INPP4A: variants seen among roughly 807,000 people sequenced by gnomAD.
INPP4A encodes the protein inositol polyphosphate-4-phosphatase, type I, 107kD.
INPP4A carries 33 observed loss-of-function variants against 119.8 expected under a neutral mutation model. That is an observed-to-expected ratio of 0.28 (90% confidence interval 0.21 to 0.37). The LOEUF (loss-of-function observed/expected upper bound fraction) is 0.37. Among genes scored for constraint, INPP4A ranks in the 10% least tolerant of loss-of-function variants. INPP4A has a pLI of 1.00. For missense variants in INPP4A, 956 were observed against 1,289.9 expected, an observed-to-expected ratio of 0.74 and a Z score of 3.97; for synonymous variants, 496 against 500.7, an observed-to-expected ratio of 0.99 and a Z score of 0.12.
At chr2:98,492,361 G>A (rs181172265) in intron 1 of INPP4A, among the ~76,000 whole-genome samples, 243 of 152,270 alleles carry the variant, frequency 1.6e-3, no homozygotes, top group African/African-American at 5.4e-3. Flanking sequence ...CTCCTAGCAT[G>A]GTTTGCTTTT....
intron 1 of INPP4A, among the ~76,000 whole-genome samples, chr2:98,484,609 T>G (rs1040519999): frequency 6.6e-6 from 1 of 152,102 alleles, no homozygotes; most frequent in Non-Finnish European, 1.5e-5. Flanking sequence ...TTATTAAAAT[T>G]TTGCATACTT....
Position 98,492,692 on chromosome 2 carries a change from G to A in INPP4A, c.-165-26272G>A, listed in dbSNP as rs978157511. Among the ~76,000 whole-genome samples the A allele has an allele frequency of 2.6e-5, 4 of 152,348 alleles. No individual in the cohort carries two copies. The South Asian group carries it at 8.3e-4, about 32-fold the overall frequency. On this transcript the variant is annotated intron_variant, in intron 1 of 24. Transcript: ENST00000409851. ...GAGGTGAAAGCAGGAGCTGGCTCTA[G>A]AAAGGGTGCCCATGGGGCCTGTACA...
intron 1 of INPP4A, among the ~76,000 whole-genome samples, chr2:98,484,507 C>T (rs749414294): frequency 3.9e-5 from 6 of 152,088 alleles, no homozygotes; most frequent in East Asian, 1.9e-4. Flanking sequence ...GTGAGGGATT[C>T]GAGGCAGCCT....
intron 10 of INPP4A, 134 bp downstream of exon 10, chr2:98,539,809 T>G (rs1691052219): frequency 1.2e-6 from 1 of 865,208 alleles, no homozygotes; most frequent in Admixed American, 3.7e-5. Context: ...TGCAGCTCTG[T>G]GGCCTTGGCT....
chr2:98,547,899 G>A (rs565760758), intron 13 of INPP4A, among the ~76,000 whole-genome samples: 4 of 152,238 alleles, frequency 2.6e-5, no homozygotes, highest in East Asian at 1.9e-4. Context: ...ATGGAACAGC[G>A]TGAGGGAAGG....
chr2:98,510,539 G>T (rs1254974598), intron 1 of INPP4A, among the ~76,000 whole-genome samples: 1 of 152,190 alleles, frequency 6.6e-6, no homozygotes, highest in Admixed American at 6.5e-5. Context: ...GGTCTGCTGA[G>T]GGCCTTCTTG....
At position 98,546,132 on chromosome 2, in the gene INPP4A, A is replaced by T; in HGVS notation, c.1054+59A>T. The T allele has an allele frequency of 8.1e-7, 1 of 1,238,250 alleles. No homozygotes were observed. The highest frequency in any genetic ancestry group is 1.2e-6 in the Non-Finnish European group (1 of 864,060). The allele number at this position is 1,238,250 out of a possible 1,614,324, so 76.7% of individuals were successfully genotyped here. On this transcript the variant is annotated intron_variant, in intron 12 of 24. Transcript: ENST00000409851. This position sits in a 1 kb window ranked among gnomAD's most constrained non-coding sequence, Gnocchi z 4.2. ...CATTTCGCTGCTTTTCTCTGTGGGTACTTGGTCCCTGAGTACCCCACATCT... is the reference window on the plus strand; with the variant it reads ...CATTTCGCTGCTTTTCTCTGTGGGTTCTTGGTCCCTGAGTACCCCACATCT...
intron 7 of INPP4A, 119 bp from the exon 8 acceptor site, chr2:98,537,744 G>A: frequency 5.6e-6 from 4 of 711,264 alleles, no homozygotes; most frequent in Non-Finnish European, 1.0e-5. Context: ...TGACTGGTCA[G>A]TCAGCTCGGC....
intron 16 of INPP4A, among the ~76,000 whole-genome samples, chr2:98,557,390 C>T (rs1382848549): frequency 6.6e-6 from 1 of 152,306 alleles, no homozygotes; most frequent in South Asian, 2.1e-4. Context: ...ATCTTTAGCA[C>T]AGCCAGGAAG....
chr2:98,519,909 C>T (rs1323473006), intron 2 of INPP4A, 37 bp from the exon 3 acceptor site: 15 of 674,690 alleles, frequency 2.2e-5, no homozygotes, highest in East Asian at 1.1e-4. Context: ...TCTCCATCAC[C>T]GTCCCCATGG....
At chr2:98,574,176 A>G (rs1283187915) in intron 23 of INPP4A, among the ~76,000 whole-genome samples, 1 of 152,112 alleles carries the variant, frequency 6.6e-6, no homozygotes, top group African/African-American at 2.4e-5. Flanking sequence ...GGTGTAGGGC[A>G]GGGCACACAC....
chr2:98,447,951 G>A (rs1023234793), intron 1 of INPP4A, among the ~76,000 whole-genome samples: 2 of 151,254 alleles, frequency 1.3e-5, no homozygotes, highest in Non-Finnish European at 2.9e-5. Flanking sequence ...GGAGGCTGAG[G>A]CAGGAGAATG....
In INPP4A at chr2:98,555,811, G is replaced by A. The variant is rs1694366749; in HGVS notation, c.1822+3G>A. Reference sequence around the variant, plus strand: ...ATGCCATCCTCATCTGACCACACGTGCGTATGCATCCATGCTTCCCATATG... The same window carrying A: ...ATGCCATCCTCATCTGACCACACGTACGTATGCATCCATGCTTCCCATATG... On this transcript the variant is annotated splice_donor_region_variant and intron_variant, in intron 16 of 24. Coordinates refer to ENST00000409851, the MANE Select transcript of INPP4A (RefSeq NM_001134225.2). The A allele has an allele frequency of 1.3e-6, 2 of 1,550,952 alleles. No individual in the cohort carries two copies. The highest frequency in any genetic ancestry group is 2.4e-5 in the East Asian group (1 of 41,084).
intron 1 of INPP4A, among the ~76,000 whole-genome samples, chr2:98,460,058 C>T (rs1000383781): frequency 1.4e-5 from 2 of 139,510 alleles, no homozygotes; most frequent in Admixed American, 7.2e-5. Context: ...GGTCTGCTTC[C>T]ACTTCTGGGT....
At position 98,555,711 on chromosome 2, in the gene INPP4A, C is replaced by G. The variant is rs771033117; in HGVS notation, c.1725C>G (p.Ala575=). 2 of 1,612,478 alleles carry G rather than the reference C, an allele frequency of 1.2e-6. No individual in the cohort carries two copies. The highest frequency in any genetic ancestry group is 3.3e-5 in the Admixed American group (2 of 59,770). The change falls in exon 16 of 25, where the codon GCC becomes GCG. Residue 575 remains alanine, a synonymous_variant. Transcript: ENST00000409851. ...TSKKGNPDSH[A]YWIRPEDPFC... is the part of the protein sequence containing the mutation. ...AGAAAGGTAACCCGGACAGCCACGC[C>G]TACTGGATCAGACCAGAAGACCCCT...
At chr2:98,507,210 A>G (rs1684239336) in intron 1 of INPP4A, among the ~76,000 whole-genome samples, 1 of 152,226 alleles carries the variant, frequency 6.6e-6, no homozygotes, top group African/African-American at 2.4e-5. Context: ...TCCTTTCTGT[A>G]AAACAGCCCA....
chr2:98,528,816 G>T (rs777914935), intron 4 of INPP4A, among the ~76,000 whole-genome samples: 6 of 152,150 alleles, frequency 3.9e-5, no homozygotes, highest in Non-Finnish European at 7.4e-5. Flanking sequence ...AGTGGCTCAC[G>T]CTTGTAATCC....
Position 98,585,689 on chromosome 2 carries a change from G to C in INPP4A, c.2787-1787G>C, listed in dbSNP as rs1258917743. ...GGATCAGCCACATCAGCCGGATATT[G>C]CAAATTCAAACATCTGGGGGAAAGT... On this transcript the variant is annotated intron_variant, in intron 24 of 24. Transcript: ENST00000409851. Among the ~76,000 whole-genome samples the C allele has an allele frequency of 4.6e-5, 7 of 152,332 alleles. No individual in the cohort carries two copies. The South Asian group carries it at 1.5e-3, about 32-fold the overall frequency.
intron 13 of INPP4A, among the ~76,000 whole-genome samples, chr2:98,547,966 C>G (rs933096727): frequency 2.0e-5 from 3 of 152,168 alleles, no homozygotes; most frequent in African/African-American, 7.2e-5. Context: ...GTGAAGAGCT[C>G]TGGCATGTGC....
Sources: gnomAD v4.1 joint callset for allele counts (sites outside exome capture counted in the v4.1 genomes callset) on GRCh38, gnomAD v4.1.1 for gene constraint, Gnocchi (gnomAD v3.1) non-coding constraint, MANE v1.5 for transcripts, NCBI Gene and HGNC (gene_info 2026-07-23, HGNC 2026-07-21) for gene names.